Variants in GRM4 observed in about 807,000 individuals in gnomAD.
The protein encoded by GRM4 is glutamate metabotropic receptor 4.
A neutral mutation model predicts 81.7 loss-of-function variants in GRM4; 28 were observed. That is an observed-to-expected ratio of 0.34 (90% CI 0.25 to 0.47). The LOEUF (loss-of-function observed/expected upper bound fraction) is 0.47, where lower values mean the gene tolerates loss of function less well. GRM4 is among the 20% of genes least tolerant of loss of function. The pLI is 1.00. For synonymous variants in GRM4, 488 were observed against 528.8 expected (o/e 0.92, Z 1.06); for missense variants, 948 against 1,290.0 (o/e 0.73, Z 4.06).
intron 6 of GRM4, among the ~76,000 whole-genome samples, chr6:34,044,109 T>C (rs1375202508): frequency 7.6e-6 from 1 of 132,370 alleles, no homozygotes; most frequent in Non-Finnish European, 1.6e-5. Context: ...TACATACACA[T>C]ATATACACAG....
rs563031748 is a variant in GRM4, at chr6:34,071,798, C to T, written c.737-9770G>A. Among the ~76,000 whole-genome samples, 24 of 149,148 alleles carry T rather than the reference C, an allele frequency of 1.6e-4. No homozygotes were observed. The South Asian group carries it at 3.4e-3, about 21-fold the overall frequency. On this transcript the variant is annotated intron_variant, in intron 3 of 10. Coordinates refer to ENST00000538487, the MANE Select transcript of GRM4 (RefSeq NM_000841.4). ...AGCACACATAGACACACAATCACCA[C>T]TCACCACACAGATACACACCACACA...
chr6:34,104,238 G>A (rs951847363), intron 2 of GRM4, among the ~76,000 whole-genome samples: 16 of 152,238 alleles, frequency 1.1e-4, no homozygotes, highest in East Asian at 1.9e-4. Context: ...CCAAAGGGGC[G>A]AGGCTGAGGG....
At position 34,062,044 on chromosome 6, in the gene GRM4, CAGTT is replaced by C; in HGVS notation, c.737-20_737-17del. 1 of 1,600,278 alleles carries C rather than the reference CAGTT, an allele frequency of 6.2e-7. No individual in the cohort carries two copies. The highest frequency in any genetic ancestry group is 8.5e-7 in the Non-Finnish European group (1 of 1,169,946). On this transcript the variant is annotated splice_polypyrimidine_tract_variant and intron_variant, in intron 3 of 10. Coordinates refer to ENST00000538487, the MANE Select transcript of GRM4 (RefSeq NM_000841.4). ...CACACGCCCCCTGCAGGAGGGGCACCAGTTAGTTGGGGTGGGCAGGGGAACCTGA... is the reference window on the plus strand; with the variant it reads ...CACACGCCCCCTGCAGGAGGGGCACCAGTTGGGGTGGGCAGGGGAACCTGA...
At chr6:34,112,519 T>TG (rs1414607647) in intron 2 of GRM4, among the ~76,000 whole-genome samples, 1 of 152,056 alleles carries the variant, frequency 6.6e-6, no homozygotes, top group East Asian at 1.9e-4. Context: ...CTGATGCAGC[T>TG]GGGGGGACTC....
rs923890183 is a variant in GRM4, at chr6:34,068,114, G to A, written c.737-6086C>T. Among the ~76,000 whole-genome samples the A allele has an allele frequency of 2.0e-5, 3 of 152,182 alleles. No individual in the cohort carries two copies. Among genetic ancestry groups the A allele is most frequent in the Non-Finnish European group, 4.4e-5 (3 of 68,030 alleles). On this transcript the variant is annotated intron_variant, in intron 3 of 10. Transcript: ENST00000538487. This position sits in a 1 kb window ranked among gnomAD's most constrained non-coding sequence, Gnocchi z 4.2. Reference sequence around the variant, plus strand: ...AAGGAACCGTAAACATCCTGGAATCGGTGCAGAGGAGGACAGCAGCAGCAT... The same window carrying A: ...AAGGAACCGTAAACATCCTGGAATCAGTGCAGAGGAGGACAGCAGCAGCAT...
At position 34,133,546 on chromosome 6, in the gene GRM4, G is replaced by T. The variant is rs772837674; in HGVS notation, c.-50C>A. The T allele has an allele frequency of 6.6e-7, 1 of 1,505,570 alleles. No individual in the cohort carries two copies. 93.3% of individuals were successfully genotyped at this position (1,505,570 alleles called of 1,614,324 possible). The stretch of plus-strand genomic sequence containing the variant: ...AACGGCAGGCCCACTCCTAGCCCTG[G>T]CAGGCCCCTGGCCCCACGGCCTGGG... On this transcript the variant is annotated 5_prime_UTR_variant, in exon 2 of 11. It introduces an in-frame stop codon into an upstream open reading frame of the 5' UTR. Transcript: ENST00000538487. This position sits in a 1 kb window ranked among gnomAD's most constrained non-coding sequence, Gnocchi z 6.5.
chr6:34,061,133 C>T (rs1347116536), intron 4 of GRM4: 1 of 152,304 alleles, frequency 6.6e-6, no homozygotes, highest in African/African-American at 2.4e-5. Context: ...TCTGCCAGCC[C>T]GGGCCAGATA....
chr6:34,073,175 CCACA>C (rs1767092456), intron 3 of GRM4, among the ~76,000 whole-genome samples: 1 of 32,432 alleles, frequency 3.1e-5, no homozygotes, highest in African/African-American at 1.0e-4. Flanking sequence ...CCACACACCA[CCACA>C]CAAATACACA....
chr6:34,050,447 T>C (rs1765562174), intron 6 of GRM4, among the ~76,000 whole-genome samples: 1 of 152,032 alleles, frequency 6.6e-6, no homozygotes, highest in Non-Finnish European at 1.5e-5. Flanking sequence ...AGTTACAAGA[T>C]TTGATTGTTA....
chr6:34,044,725 C>A (rs1313952833), intron 6 of GRM4, among the ~76,000 whole-genome samples: 1 of 128,132 alleles, frequency 7.8e-6, no homozygotes, highest in Non-Finnish European at 1.6e-5. Flanking sequence ...CACATACACA[C>A]ACAGACATAC....
chr6:34,146,182 G>C, upstream of GRM4: 1 of 982,180 alleles, frequency 1.0e-6, no homozygotes, highest in Non-Finnish European at 1.2e-6. Flanking sequence ...CCCCCATGTG[G>C]CATGTTCATT....
At chr6:34,145,317 G>A (rs1317224747) in intron 1 of GRM4, among the ~76,000 whole-genome samples, 1 of 152,004 alleles carries the variant, frequency 6.6e-6, no homozygotes, top group Admixed American at 6.5e-5. Flanking sequence ...CAAGCGCGCG[G>A]CGTTCGGCTG....
chr6:34,091,753 A>G, intron 3 of GRM4, 130 bp downstream of exon 3: 1 of 678,874 alleles, frequency 1.5e-6, no homozygotes, highest in Non-Finnish European at 2.6e-6. Flanking sequence ...GAAGAGGCCG[A>G]GGCCCACCTG....
chr6:34,056,932 C>A (rs368700947), intron 5 of GRM4, among the ~76,000 whole-genome samples: 1 of 152,198 alleles, frequency 6.6e-6, no homozygotes, highest in African/African-American at 2.4e-5. Flanking sequence ...AGAAGCACAC[C>A]GATGAGGATG....
In GRM4 at chr6:34,070,383, G is replaced by A. The variant is rs183105816; in HGVS notation, c.737-8355C>T. Among the ~76,000 whole-genome samples the A allele has an allele frequency of 5.9e-4, 90 of 152,134 alleles. No homozygotes were observed. Among genetic ancestry groups the A allele is most frequent in the African/African-American group, 2.1e-3 (89 of 41,504 alleles). ...CCTTATCATGAGTGCTCAGGAAATC[G>A]GCCTGCAAAGGATGAGCAAGTGAAG... On this transcript the variant is annotated intron_variant, in intron 3 of 10. Transcript: ENST00000538487. This position sits in a 1 kb window ranked among gnomAD's most constrained non-coding sequence, Gnocchi z 4.6.
At chr6:34,131,773 G>A (rs530293102) in intron 2 of GRM4, among the ~76,000 whole-genome samples, 14 of 152,188 alleles carry the variant, frequency 9.2e-5, no homozygotes, top group South Asian at 8.3e-4. Context: ...TCTCCCCACC[G>A]TGCCTAGTGC....
rs915903426 is a variant in GRM4 at position 34,114,708 on chromosome 6, G to A, written c.519+18270C>T. Among the ~76,000 whole-genome samples the A allele has an allele frequency of 2.6e-5, 4 of 151,954 alleles. No individual in the cohort carries two copies. Among genetic ancestry groups the A allele is most frequent in the East Asian group, 1.9e-4 (1 of 5,170 alleles). On this transcript the variant is annotated intron_variant, in intron 2 of 10. Transcript: ENST00000538487. This position sits in a 1 kb window ranked among gnomAD's most constrained non-coding sequence, Gnocchi z 4.3. ...CTCTGACAAAGGCTGCCCCATGCACGCCTTGTCAGAACTGCCCTCGCCCTC... is the reference window on the plus strand; with the variant it reads ...CTCTGACAAAGGCTGCCCCATGCACACCTTGTCAGAACTGCCCTCGCCCTC...
intron 10 of GRM4, among the ~76,000 whole-genome samples, chr6:34,025,496 G>A (rs538735891): frequency 5.6e-4 from 86 of 152,296 alleles, no homozygotes; most frequent in African/African-American, 2.0e-3. Flanking sequence ...AAAGTGTAGA[G>A]AGGAAGGACC....
intron 1 of GRM4, among the ~76,000 whole-genome samples, chr6:34,141,590 G>A (rs2127516839): frequency 6.6e-6 from 1 of 152,066 alleles, no homozygotes; most frequent in Admixed American, 6.5e-5. Context: ...TAATTTAAGG[G>A]GTGATTTTTA....
Sources: gnomAD v4.1 joint callset for allele counts (sites outside exome capture counted in the v4.1 genomes callset) on GRCh38, gnomAD v4.1.1 for gene constraint, Gnocchi (gnomAD v3.1) non-coding constraint, MANE v1.5 for transcripts, NCBI Gene and HGNC (gene_info 2026-07-23, HGNC 2026-07-21) for gene names.